Variants in SYN3 observed in about 807,000 individuals in gnomAD.
SYN3 encodes the protein synapsin III, also known as synapsin-3.
Under a neutral mutation model 65.8 loss-of-function variants are expected in SYN3, and 35 were observed. The ratio of observed to expected loss-of-function variants is 0.53; its 90% CI spans 0.41 to 0.70. SYN3 has a LOEUF of 0.70. Ranked by LOEUF, SYN3 falls within the 30% of genes least tolerant of loss-of-function variation. The pLI, the probability that SYN3 is intolerant of heterozygous loss-of-function variation, is 0.00. For missense variants in SYN3, 680 were observed against 749.0 expected (o/e 0.91, Z 1.08); for synonymous variants, 270 against 292.9 (o/e 0.92, Z 0.80).
chr22:32,651,261 T>A (rs1439180741), intron 6 of SYN3, among the ~76,000 whole-genome samples: 3 of 152,090 alleles, frequency 2.0e-5, no homozygotes, highest in African/African-American at 7.2e-5. Flanking sequence ...GCCACTGAAC[T>A]TGATGCCAGC....
chr22:32,784,262 G>A (rs62232901), intron 6 of SYN3, among the ~76,000 whole-genome samples: 43 of 152,294 alleles, frequency 2.8e-4, no homozygotes, highest in Middle Eastern at 3.4e-3. Context: ...AGAACATGGC[G>A]CAGGTGACAG....
At chr22:32,599,368 C>G (rs2710390) in intron 6 of SYN3, among the ~76,000 whole-genome samples, 9,379 of 151,050 alleles carry the variant, frequency 0.062, 312 homozygotes, top group Non-Finnish European at 0.071. Context: ...GTCGCTCAGG[C>G]TGGAGTGCAG....
chr22:32,834,467 C>T (rs1356883628), intron 6 of SYN3, among the ~76,000 whole-genome samples: 1 of 152,066 alleles, frequency 6.6e-6, no homozygotes, highest in East Asian at 1.9e-4. Flanking sequence ...CCGGCCAAGC[C>T]CACCTTTTGA....
chr22:32,513,401 A>C lies in SYN3; in HGVS notation c.*291T>G, dbSNP rs2057717033. On this transcript the variant is annotated 3_prime_UTR_variant, in exon 14 of 14. Coordinates refer to ENST00000358763, the MANE Select transcript of SYN3 (RefSeq NM_003490.4). ...CAGACATCTCACTTGGTTATCTGGCAGGTAAGCAGGCACGTGGGTAGGCAG... is the reference window on the plus strand; with the variant it reads ...CAGACATCTCACTTGGTTATCTGGCCGGTAAGCAGGCACGTGGGTAGGCAG... The C allele has an allele frequency of 6.8e-6, 2 of 295,516 alleles. No homozygotes were observed. Among genetic ancestry groups the C allele is most frequent in the South Asian group, 1.6e-4 (2 of 12,420 alleles). 18.3% of individuals were successfully genotyped at this position (295,516 alleles called of 1,614,324 possible).
intron 2 of SYN3, among the ~76,000 whole-genome samples, chr22:33,001,957 G>A (rs988584016): frequency 3.9e-5 from 6 of 152,296 alleles, no homozygotes; most frequent in Admixed American, 3.3e-4. Context: ...ACAGCTAGCA[G>A]AGAACACTCA....
At chr22:32,732,617 AT>A in intron 6 of SYN3, among the ~76,000 whole-genome samples, 2 of 152,324 alleles carry the variant, frequency 1.3e-5, no homozygotes, top group Non-Finnish European at 2.9e-5. Flanking sequence ...GGACATCGTA[AT>A]TTCATCTGTA....
chr22:33,008,542 GTC>G (rs1218433729), intron 1 of SYN3, among the ~76,000 whole-genome samples: 1 of 152,130 alleles, frequency 6.6e-6, no homozygotes, highest in Non-Finnish European at 1.5e-5. Flanking sequence ...TTGTATAGCA[GTC>G]ATTCTATTTT....
chr22:33,035,045 A>G (rs2053827512), intron 1 of SYN3, among the ~76,000 whole-genome samples: 1 of 152,116 alleles, frequency 6.6e-6, no homozygotes, highest in Admixed American at 6.5e-5. Context: ...AGTGGCAAGT[A>G]TGGGGACACG....
intron 6 of SYN3, among the ~76,000 whole-genome samples, chr22:32,764,080 G>A (rs2045560837): frequency 6.6e-6 from 1 of 151,960 alleles, no homozygotes; most frequent in Non-Finnish European, 1.5e-5. Context: ...TGGGATTACA[G>A]GCATCCACCA....
At chr22:32,727,570 C>T (rs2061212945) in intron 6 of SYN3, among the ~76,000 whole-genome samples, 1 of 152,212 alleles carries the variant, frequency 6.6e-6, no homozygotes, top group South Asian at 2.1e-4. Context: ...AGAATTGCCA[C>T]ACAATGGTTG....
intron 1 of SYN3, among the ~76,000 whole-genome samples, chr22:33,057,178 G>A (rs112713620): frequency 2.0e-5 from 3 of 152,196 alleles, no homozygotes; most frequent in South Asian, 2.1e-4. Flanking sequence ...CTGATGCTCC[G>A]GCCTCCATCC....
intron 9 of SYN3, among the ~76,000 whole-genome samples, chr22:32,534,116 GA>G (rs2058123072): frequency 6.6e-6 from 1 of 152,068 alleles, no homozygotes; most frequent in Non-Finnish European, 1.5e-5. Flanking sequence ...GAGAGGCAGG[GA>G]CACACATGAC....
intron 12 of SYN3, among the ~76,000 whole-genome samples, chr22:32,521,363 A>G (rs1447704408): frequency 1.3e-5 from 2 of 152,104 alleles, no homozygotes; most frequent in Non-Finnish European, 2.9e-5. Context: ...TGCTGTATAG[A>G]AACACAGGCC....
chr22:33,046,888 C>T (rs1485000522), intron 1 of SYN3, among the ~76,000 whole-genome samples: 1 of 151,338 alleles, frequency 6.6e-6, no homozygotes, highest in African/African-American at 2.4e-5. Flanking sequence ...TTTCCACAGC[C>T]CATGAGTTCC....
intron 3 of SYN3, among the ~76,000 whole-genome samples, chr22:32,965,930 G>A (rs1049687886): frequency 6.6e-6 from 1 of 152,178 alleles, no homozygotes; most frequent in Non-Finnish European, 1.5e-5. Context: ...TCCTGACCTT[G>A]TGATCTGCCC....
chr22:33,011,655 T>C (rs2053355006), intron 1 of SYN3, among the ~76,000 whole-genome samples: 1 of 152,224 alleles, frequency 6.6e-6, no homozygotes, highest in African/African-American at 2.4e-5. Context: ...ATTGTGTTTT[T>C]TTTCTTAAAT....
chr22:32,887,392 AAAG>A (rs772964367), intron 4 of SYN3, among the ~76,000 whole-genome samples: 6 of 152,226 alleles, frequency 3.9e-5, no homozygotes, highest in Admixed American at 6.5e-5. Flanking sequence ...GAAAAAAAAA[AAAG>A]AACTGTGTGC....
At chr22:32,549,586 G>A (rs763991623) in intron 7 of SYN3, among the ~76,000 whole-genome samples, 2 of 152,092 alleles carry the variant, frequency 1.3e-5, no homozygotes, top group African/African-American at 2.4e-5. Context: ...TTTTTTTGTG[G>A]ACAATGCACA....
chr22:33,005,922 AT>A (rs2145794892), intron 2 of SYN3, among the ~76,000 whole-genome samples: 1 of 152,324 alleles, frequency 6.6e-6, no homozygotes, highest in East Asian at 1.9e-4. Context: ...AATATACCAT[AT>A]TTTATATAAC....
Sources: allele counts gnomAD v4.1 joint callset (sites outside exome capture counted in the v4.1 genomes callset), GRCh38; gene constraint gnomAD v4.1.1; transcripts MANE v1.5; gene names NCBI Gene and HGNC (gene_info 2026-07-23, HGNC 2026-07-21).